The following SPMIP11 variants were observed in gnomAD, a reference collection of about 807,000 sequenced individuals.
SPMIP11 encodes long intergenic non-protein coding RNA 935.
At chr12:48,742,940 T>C in the SPMIP11 span, among the ~76,000 whole-genome samples, 2 of 152,018 alleles carry the variant, frequency 1.3e-5, no homozygotes, top group Admixed American at 6.6e-5. Flanking sequence ...TCTCCACACA[T>C]ATTCCATCAG....
chr12:48,739,989 T>C, the SPMIP11 span, among the ~76,000 whole-genome samples: 4 of 152,194 alleles, frequency 2.6e-5, no homozygotes, highest in Non-Finnish European at 5.9e-5. Context: ...CTGTCCACTT[T>C]GCATTTTCCA....
chr12:48,757,660 A>AAAAT, the SPMIP11 span, among the ~76,000 whole-genome samples: 571 of 71,132 alleles, frequency 8.0e-3, 2 homozygotes, highest in African/African-American at 0.038. Flanking sequence ...AAATAAAAAT[A>AAAAT]AAAATAAAAT....
the SPMIP11 span, chr12:48,770,750 A>G: frequency 6.2e-7 from 1 of 1,611,082 alleles, no homozygotes; most frequent in South Asian, 1.1e-5. Flanking sequence ...CCCGCCAAGC[A>G]ACAAAGCCCT....
At chr12:48,746,647 G>A in the SPMIP11 span, among the ~76,000 whole-genome samples, 3 of 151,880 alleles carry the variant, frequency 2.0e-5, no homozygotes, top group Admixed American at 6.5e-5. Context: ...TTACAGGCTT[G>A]AGCCACCATG....
the SPMIP11 span, chr12:48,727,573 AG>A: frequency 2.8e-6 from 2 of 702,876 alleles, no homozygotes; most frequent in Non-Finnish European, 5.2e-6. Context: ...AGGGGAATAT[AG>A]GGTAGAGGGT....
chr12:48,729,126 G>A, the SPMIP11 span, among the ~76,000 whole-genome samples: 6 of 152,226 alleles, frequency 3.9e-5, no homozygotes, highest in South Asian at 2.1e-4. Context: ...TTGTTGCCGG[G>A]CACTGCGGCT....
chr12:48,731,659 G>C, the SPMIP11 span, among the ~76,000 whole-genome samples: 1 of 152,078 alleles, frequency 6.6e-6, no homozygotes, highest in East Asian at 1.9e-4. Flanking sequence ...AACTTCCTGA[G>C]AGTTAACAAC....
the SPMIP11 span, among the ~76,000 whole-genome samples, chr12:48,757,518 C>CGCCT: frequency 6.6e-6 from 1 of 151,432 alleles, no homozygotes; most frequent in South Asian, 2.1e-4. Flanking sequence ...TGGTGGTGAG[C>CGCCT]GCCTGTAGTC....
chr12:48,740,024 C>G, the SPMIP11 span, among the ~76,000 whole-genome samples: 1 of 152,164 alleles, frequency 6.6e-6, no homozygotes, highest in Admixed American at 6.6e-5. Flanking sequence ...TGAAATATCT[C>G]ATATGCTCTT....
chr12:48,755,875 CTTTTTTTTTTTT>C, the SPMIP11 span, among the ~76,000 whole-genome samples: 2 of 101,628 alleles, frequency 2.0e-5, no homozygotes, highest in Admixed American at 1.1e-4. Flanking sequence ...CAGTTTCTTT[CTTTTTTTTTTTT>C]TTTTTTTTGA....
At chr12:48,763,160 T>C in the SPMIP11 span, among the ~76,000 whole-genome samples, 1 of 152,180 alleles carries the variant, frequency 6.6e-6, no homozygotes, top group African/African-American at 2.4e-5. Flanking sequence ...ATAGCAAAAC[T>C]TTAACATTTT....
the SPMIP11 span, among the ~76,000 whole-genome samples, chr12:48,736,978 C>G: frequency 6.7e-6 from 1 of 150,090 alleles, no homozygotes; most frequent in African/African-American, 2.5e-5. Context: ...GAGATAGGGT[C>G]TTGCTCTGTC....
At chr12:48,761,715 C>A in the SPMIP11 span, among the ~76,000 whole-genome samples, 5 of 139,058 alleles carry the variant, frequency 3.6e-5, no homozygotes, top group African/African-American at 5.4e-5. Context: ...ATTTATATAA[C>A]ATTCTTTTTT....
At chr12:48,749,356 C>T in the SPMIP11 span, among the ~76,000 whole-genome samples, 427 of 151,792 alleles carry the variant, frequency 2.8e-3, no homozygotes, top group Middle Eastern at 6.9e-3. Context: ...TGGCTGGGCG[C>T]GGTGGCTCAT....
At chr12:48,756,085 G>A in the SPMIP11 span, among the ~76,000 whole-genome samples, 2 of 150,962 alleles carry the variant, frequency 1.3e-5, no homozygotes, top group African/African-American at 4.9e-5. Flanking sequence ...GGGTTTCACT[G>A]TGTTAGCCAG....
the SPMIP11 span, among the ~76,000 whole-genome samples, chr12:48,738,603 T>C: frequency 4.6e-5 from 7 of 151,946 alleles, no homozygotes; most frequent in African/African-American, 1.4e-4. Context: ...GGCGCGATCT[T>C]GGCTCACTGC....
At chr12:48,732,767 T>C in the SPMIP11 span, among the ~76,000 whole-genome samples, 1 of 148,348 alleles carries the variant, frequency 6.7e-6, no homozygotes, top group Admixed American at 6.7e-5. Context: ...CAAAACTCCA[T>C]CTGAAAAAAA....
chr12:48,730,572 A>G, the SPMIP11 span, among the ~76,000 whole-genome samples: 2 of 152,212 alleles, frequency 1.3e-5, no homozygotes, highest in Non-Finnish European at 1.5e-5. Context: ...AGCACGCTAC[A>G]TGCTTAATTT....
chr12:48,753,187 G>A, the SPMIP11 span, among the ~76,000 whole-genome samples: 60 of 152,296 alleles, frequency 3.9e-4, no homozygotes, highest in African/African-American at 1.4e-3. Flanking sequence ...AAATCTCTGC[G>A]AGATTTGGGT....
Sources: allele counts gnomAD v4.1 joint callset (sites outside exome capture counted in the v4.1 genomes callset), GRCh38; gene constraint gnomAD v4.1.1; transcripts MANE v1.5; gene names NCBI Gene and HGNC (gene_info 2026-07-23, HGNC 2026-07-21).